The following ADAMTSL1 variants were observed in gnomAD, a reference collection of about 807,000 sequenced individuals.
ADAMTSL1 encodes the protein ADAMTS-like protein 1.
ADAMTSL1 carries 126 observed loss-of-function variants against 201.8 expected under a neutral mutation model. That is an observed-to-expected ratio of 0.62 (90% CI 0.54 to 0.72). The LOEUF is 0.72. Ranked by LOEUF, ADAMTSL1 falls within the 30% of genes least tolerant of loss-of-function variation. ADAMTSL1 has a pLI of 0.00. For missense variants in ADAMTSL1, 2,679 were observed against 2,277.8 expected, an observed-to-expected ratio of 1.18 and a Z score of -3.59; for synonymous variants, 1,121 against 903.4, an observed-to-expected ratio of 1.24 and a Z score of -4.32.
intron 2 of ADAMTSL1, among the ~76,000 whole-genome samples, chr9:18,399,328 T>TAA (rs1447299009): frequency 4.6e-5 from 5 of 107,724 alleles, no homozygotes; most frequent in Non-Finnish European, 5.9e-5. Context: ...TATATATATA[T>TAA]AAAATTATTA....
chr9:18,828,660 T>TTATATA (rs1554643931), intron 22 of ADAMTSL1, among the ~76,000 whole-genome samples: 323 of 28,520 alleles, frequency 0.011, 6 homozygotes, highest in Middle Eastern at 0.029. Context: ...GAAAGTATAT[T>TTATATA]TATATATATA....
chr9:18,671,953 C>T (rs901114097), intron 9 of ADAMTSL1, among the ~76,000 whole-genome samples: 1 of 152,050 alleles, frequency 6.6e-6, no homozygotes, highest in Non-Finnish European at 1.5e-5. Context: ...AGGAGAATGG[C>T]GTGAACCTGA....
At chr9:18,904,374 C>G (rs990811261) in intron 26 of ADAMTSL1, among the ~76,000 whole-genome samples, 3 of 151,924 alleles carry the variant, frequency 2.0e-5, no homozygotes, top group Non-Finnish European at 4.4e-5. Flanking sequence ...GAGGCTGAAA[C>G]AGGATAATCA....
chr9:18,878,631 T>G (rs1017887851), intron 23 of ADAMTSL1, among the ~76,000 whole-genome samples: 39 of 152,356 alleles, frequency 2.6e-4, no homozygotes, highest in African/African-American at 9.1e-4. Flanking sequence ...ACTCCCAGTT[T>G]TTTGGCTGTT....
At chr9:18,410,141 T>A (rs1194398979) in intron 2 of ADAMTSL1, among the ~76,000 whole-genome samples, 2 of 152,116 alleles carry the variant, frequency 1.3e-5, no homozygotes, top group Non-Finnish European at 1.5e-5. Flanking sequence ...TTGTTGAATA[T>A]TATTAAACAA....
At chr9:18,811,979 A>G (rs985319930) in intron 20 of ADAMTSL1, among the ~76,000 whole-genome samples, 8 of 152,198 alleles carry the variant, frequency 5.3e-5, no homozygotes, top group Non-Finnish European at 8.8e-5. Context: ...ATAAATAGAC[A>G]TATTTATCAT....
chr9:18,054,313 A>G (rs999013975), intron 1 of ADAMTSL1, among the ~76,000 whole-genome samples: 12 of 152,190 alleles, frequency 7.9e-5, no homozygotes, highest in South Asian at 2.1e-4. Context: ...CAGCTTTTCA[A>G]TTTTTTCCAT....
intron 2 of ADAMTSL1, among the ~76,000 whole-genome samples, chr9:18,235,313 G>T (rs1830805394): frequency 6.6e-6 from 1 of 152,138 alleles, no homozygotes; most frequent in African/African-American, 2.4e-5. Context: ...GGGTTCTTGG[G>T]AGGAAGGCCA....
chr9:18,845,211 T>C (rs992777229), intron 23 of ADAMTSL1, among the ~76,000 whole-genome samples: 1 of 152,242 alleles, frequency 6.6e-6, no homozygotes, highest in South Asian at 2.1e-4. Context: ...CTCTCCTTAG[T>C]GAGCAAGCTC....
chr9:18,525,285 A>G (rs1298048335), intron 2 of ADAMTSL1, among the ~76,000 whole-genome samples: 1 of 152,006 alleles, frequency 6.6e-6, no homozygotes, highest in Non-Finnish European at 1.5e-5. Context: ...ATCAGTGGTG[A>G]TATCCCCTTT....
At chr9:18,660,607 A>G (rs748161995) in intron 8 of ADAMTSL1, among the ~76,000 whole-genome samples, 2 of 152,224 alleles carry the variant, frequency 1.3e-5, no homozygotes, top group Non-Finnish European at 2.9e-5. Flanking sequence ...TATCTGGAAA[A>G]TTATAAAATA....
In ADAMTSL1 at chr9:18,292,499, A is replaced by G. The variant is rs573336392; in HGVS notation, c.207+128518A>G. On this transcript the variant is annotated intron_variant, in intron 2 of 29. Transcript: ENST00000680146. ...TGGGTGTGTCTGTGAGGGTGTTGCCAAAGGAGGTTAACATTTGAGTCAGTG... is the reference window on the plus strand; with the variant it reads ...TGGGTGTGTCTGTGAGGGTGTTGCCGAAGGAGGTTAACATTTGAGTCAGTG... 3.9e-5 allele frequency among the ~76,000 whole-genome samples: 6 copies of G among 152,292 alleles called. No individual in the cohort carries two copies. The South Asian group carries it at 8.3e-4, about 21-fold the overall frequency.
Position 18,889,700 on chromosome 9 carries a change from G to A in ADAMTSL1, c.4595G>A (p.Arg1532His), listed in dbSNP as rs747642979. The change falls in exon 25 of 29, where the codon CGC (arginine) becomes CAC (histidine). Residue 1532 changes from arginine to histidine, a missense_variant. By Grantham distance (29) the Arg-to-His change is conservative. Coordinates refer to ENST00000380548, the MANE Select transcript of ADAMTSL1 (RefSeq NM_001040272.6). ...CCTGCCCACTGCGCAGGGAAGGTTCGCCCTGCGGTGCAGCCCATCGCGTGC... is the reference window on the plus strand; with the variant it reads ...CCTGCCCACTGCGCAGGGAAGGTTCACCCTGCGGTGCAGCCCATCGCGTGC... ...VNPAHCAGKV[R>H]PAVQPIACNR... 3.6e-5 allele frequency: 57 copies of A among 1,576,698 alleles called. No homozygotes were observed. In the East Asian group the frequency reaches 1.0e-3, roughly 28 times the overall value.
At chr9:18,298,976 C>G (rs897746056) in intron 2 of ADAMTSL1, among the ~76,000 whole-genome samples, 6 of 149,544 alleles carry the variant, frequency 4.0e-5, no homozygotes, top group Admixed American at 2.0e-4. Context: ...GGCGCCACTG[C>G]ACTCCAGCCT....
At position 18,777,058 on chromosome 9, in the gene ADAMTSL1, C is replaced by T. The variant is rs762111267; in HGVS notation, c.2829C>T (p.Gly943=). The T allele has an allele frequency of 1.6e-4, 257 of 1,612,994 alleles. 1 individual carries two copies. The highest frequency in any genetic ancestry group is 2.9e-4 in the South Asian group (26 of 91,044). ...ACCGCCTCAAGCCCTCGGATGCAGGCGTCTACACCTGCTCAGCGGGCCCGG... is the reference window on the plus strand; with the variant it reads ...ACCGCCTCAAGCCCTCGGATGCAGGTGTCTACACCTGCTCAGCGGGCCCGG... ...KIHRLKPSDA[G]VYTCSAGPAR... Residue 943 remains glycine, a synonymous_variant, in exon 19 of 29, where the codon GGC becomes GGT. Coordinates refer to ENST00000380548, the MANE Select transcript of ADAMTSL1 (RefSeq NM_001040272.6).
chr9:17,944,533 C>T (rs1425897189), intron 1 of ADAMTSL1, among the ~76,000 whole-genome samples: 1 of 151,342 alleles, frequency 6.6e-6, no homozygotes, highest in Non-Finnish European at 1.5e-5. Context: ...AAGAACAAAG[C>T]TGGAGGCATC....
At chr9:18,325,567 T>C (rs1834797658) in intron 2 of ADAMTSL1, among the ~76,000 whole-genome samples, 1 of 152,180 alleles carries the variant, frequency 6.6e-6, no homozygotes, top group Non-Finnish European at 1.5e-5. Flanking sequence ...ACAGACTGAG[T>C]AATTTAAAAA....
At chr9:18,737,718 C>T (rs1031129128) in intron 15 of ADAMTSL1, among the ~76,000 whole-genome samples, 3 of 152,200 alleles carry the variant, frequency 2.0e-5, no homozygotes, top group African/African-American at 7.2e-5. Context: ...GTTAAATTCT[C>T]CCATTTTATC....
chr9:18,415,397 A>G (rs559606859), intron 2 of ADAMTSL1, among the ~76,000 whole-genome samples: 30 of 152,346 alleles, frequency 2.0e-4, no homozygotes, highest in African/African-American at 7.0e-4. Context: ...AAAAACTTTA[A>G]TATCCAAGAG....
Sources: gnomAD v4.1 joint callset for allele counts (sites outside exome capture counted in the v4.1 genomes callset) on GRCh38, gnomAD v4.1.1 for gene constraint, MANE v1.5 for transcripts, NCBI Gene and HGNC (gene_info 2026-07-23, HGNC 2026-07-21) for gene names.